The following SH3TC2 variants were observed in gnomAD, a reference collection of about 807,000 sequenced individuals.
SH3TC2 encodes SH3 domain and tetratricopeptide repeat-containing protein 2.
A neutral mutation model predicts 124.5 loss-of-function variants in SH3TC2; 87 were observed. That is an observed-to-expected ratio of 0.70 (90% confidence interval 0.59 to 0.84). The LOEUF (loss-of-function observed/expected upper bound fraction) is 0.84, where lower values mean the gene tolerates loss of function less well. SH3TC2 is among the 40% of genes least tolerant of loss of function. The probability of loss-of-function intolerance (pLI) is 0.00; values close to 1 mark genes in which losing one functional copy is unlikely to be tolerated. For synonymous variants in SH3TC2, 634 were observed against 628.5 expected (o/e 1.01, Z -0.13); for missense variants, 1,536 against 1,566.4 (o/e 0.98, Z 0.33).
Position 148,996,281 on chromosome 5 carries a change from G to C in SH3TC2, c.*8430C>G, listed in dbSNP as rs1753508623. 2.0e-5 allele frequency among the ~76,000 whole-genome samples: 3 copies of C among 151,840 alleles called. No homozygotes were observed. The highest frequency in any genetic ancestry group is 2.0e-4 in the Admixed American group (3 of 15,222). Reference sequence around the variant, plus strand: ...CCTAAATAAGAGAGAAAGAGAGAGAGAGAGAGAAACAGACAGATGGACTTT... The same window carrying C: ...CCTAAATAAGAGAGAAAGAGAGAGACAGAGAGAAACAGACAGATGGACTTT... On this transcript the variant is annotated 3_prime_UTR_variant, in exon 17 of 17. Transcript: ENST00000515425.
rs1429342918 is a variant in SH3TC2 at position 148,983,473 on chromosome 5, C to G, written c.*21238G>C. Among the ~76,000 whole-genome samples, 1 of 152,096 alleles carries G rather than the reference C, an allele frequency of 6.6e-6. No individual in the cohort carries two copies. Among genetic ancestry groups the G allele is most frequent in the Non-Finnish European group, 1.5e-5 (1 of 68,010 alleles). ...CATCTTGTTAGATGCATGCTGAACC[C>G]CCGAACTCAGTTTATCCAGGTGGAG... On this transcript the variant is annotated 3_prime_UTR_variant, in exon 17 of 17. Coordinates refer to ENST00000515425, the MANE Select transcript of SH3TC2 (RefSeq NM_024577.4).
rs1270620225 is a variant in SH3TC2, at chr5:149,002,811, C to T, written c.*1900G>A. ...GTTCCTGGGATACATCCCAGATCTA[C>T]TGAATCAGAATTATTAGAGATAGAA... On this transcript the variant is annotated 3_prime_UTR_variant, in exon 17 of 17. Transcript: ENST00000515425. 6.6e-6 allele frequency: 1 copy of T among 152,244 alleles called. No homozygotes were observed. The highest frequency in any genetic ancestry group is 2.4e-5 in the African/African-American group (1 of 41,456). The allele number at this position is 152,244 out of a possible 1,614,324, so 9.4% of individuals were successfully genotyped here. A position where few individuals can be genotyped will look rare whatever the true frequency, so the allele number is the denominator to read the frequency against.
In SH3TC2 at chr5:148,985,305, T is replaced by A. The variant is rs72835351; in HGVS notation, c.*19406A>T. Among the ~76,000 whole-genome samples, 4,151 of 152,294 alleles carry A rather than the reference T, an allele frequency of 0.027. 91 individuals are homozygous for A. Among genetic ancestry groups the A allele is most frequent in the Non-Finnish European group, 0.039 (2,678 of 68,002 alleles). On this transcript the variant is annotated 3_prime_UTR_variant, in exon 17 of 17. Coordinates refer to ENST00000515425, the MANE Select transcript of SH3TC2 (RefSeq NM_024577.4). The stretch of plus-strand genomic sequence containing the variant: ...AGTTCTATGAGTTTTGGCAAATGCA[T>A]TCAATGCCATCACTACTACAATCAA...
chr5:149,013,229 A>G (rs1753813798), intron 12 of SH3TC2, among the ~76,000 whole-genome samples: 1 of 152,102 alleles, frequency 6.6e-6, no homozygotes, highest in African/African-American at 2.4e-5. Flanking sequence ...GGAGGGACTC[A>G]GTGGGAGGTA....
intron 2 of SH3TC2, 79 bp downstream of exon 2, chr5:149,052,063 C>T (rs1374016981): frequency 1.0e-6 from 1 of 1,002,924 alleles, no homozygotes. Context: ...GAGGGAGGGG[C>T]TCTTTAGATG....
At chr5:149,028,847 G>A (rs193240665) in intron 9 of SH3TC2, 129 bp from the exon 10 acceptor site, 5 of 892,864 alleles carry the variant, frequency 5.6e-6, no homozygotes, top group Non-Finnish European at 9.3e-6. Flanking sequence ...CATCATTAAG[G>A]AACAGGGCAG....
intron 7 of SH3TC2, among the ~76,000 whole-genome samples, chr5:149,039,217 C>G (rs1416037225): frequency 6.6e-6 from 1 of 152,184 alleles, no homozygotes; most frequent in African/African-American, 2.4e-5. Context: ...GAATGTTTTT[C>G]TGTCCAGTTT....
Position 148,997,900 on chromosome 5 carries a change from T to G in SH3TC2, c.*6811A>C, listed in dbSNP as rs2127389639. Among the ~76,000 whole-genome samples, 1 of 152,324 alleles carries G rather than the reference T, an allele frequency of 6.6e-6. No homozygotes were observed. The highest frequency in any genetic ancestry group is 1.9e-4 in the East Asian group (1 of 5,190). On this transcript the variant is annotated 3_prime_UTR_variant, in exon 17 of 17. Transcript: ENST00000515425. Reference sequence around the variant, plus strand: ...ATGAGACTTAATGCATAAAACACATTAACCTCAACTGTTATTTTTATTTTG... The same window carrying G: ...ATGAGACTTAATGCATAAAACACATGAACCTCAACTGTTATTTTTATTTTG...
At chr5:149,054,889 C>T (rs1029132452) in intron 1 of SH3TC2, among the ~76,000 whole-genome samples, 9 of 152,140 alleles carry the variant, frequency 5.9e-5, no homozygotes. Context: ...GAGGTGAGCC[C>T]ACCTTGAAGA....
At chr5:149,054,736 C>T (rs144486832) in intron 1 of SH3TC2, among the ~76,000 whole-genome samples, 111 of 152,358 alleles carry the variant, frequency 7.3e-4, no homozygotes, top group African/African-American at 2.5e-3. Flanking sequence ...GTTGCTGTCG[C>T]TCTGCAGGGC....
Position 149,027,485 on chromosome 5 carries a change from T to G in SH3TC2, c.2247A>C (p.Glu749Asp). ...CCCTCTGGGTGCTCCGGTCTGCTAG[T>G]TCCTCACAGGCAGCCAGGGCCTGTC... ...MLRQALAACE[E>D]LADRSTQRAL... Residue 749 changes from glutamate (E) to aspartate (D), a missense_variant, in exon 11 of 17, where the codon GAA becomes GAC. Transcript: ENST00000515425. 6.2e-7 allele frequency: 1 copy of G among 1,614,162 alleles called. No individual in the cohort carries two copies. Among genetic ancestry groups the G allele is most frequent in the African/African-American group, 1.3e-5 (1 of 75,062 alleles).
chr5:149,007,762 T>C (rs1029034408), intron 15 of SH3TC2: 1 of 152,854 alleles, frequency 6.5e-6, no homozygotes, highest in African/African-American at 2.4e-5. Context: ...TACAATCATG[T>C]CTTTGGAATA....
rs141712019 is a variant in SH3TC2 at position 149,004,856 on chromosome 5, G to A, written c.3722C>T (p.Ala1241Val). ...TEYFLLALAA[A>V]VLLGDEELQD... ...AAGCTCCTCATCACCCAGCAGGACCGCTGCTGCCAGGGCCAGAAGGAAGTA... is the reference window on the plus strand; with the variant it reads ...AAGCTCCTCATCACCCAGCAGGACCACTGCTGCCAGGGCCAGAAGGAAGTA... The change falls in exon 17 of 17, where the codon GCG (alanine) becomes GTG (valine). Residue 1241 changes from alanine (A) to valine (V), a missense_variant. Transcript: ENST00000515425. 5.0e-5 allele frequency: 81 copies of A among 1,614,056 alleles called. No homozygotes were observed. The highest frequency in any genetic ancestry group is 6.3e-5 in the Non-Finnish European group (74 of 1,180,040).
At chr5:149,046,400 A>G (rs1403790059) in intron 3 of SH3TC2, 1 of 152,284 alleles carries the variant, frequency 6.6e-6, no homozygotes, top group Non-Finnish European at 1.5e-5. Context: ...ATGTGCTTTT[A>G]TCACATTTAA....
rs1184701005 is a variant in SH3TC2 at position 149,012,149 on chromosome 5, TC to T, written c.3204+434del. On this transcript the variant is annotated intron_variant, in intron 13 of 16. Transcript: ENST00000515425. ...CTTTTAACCACTACACTGTACCACA[TC>T]TCTGATATTAAAAGTATGCAAACAA... Among the ~76,000 whole-genome samples, 5 of 152,204 alleles carry T rather than the reference TC, an allele frequency of 3.3e-5. No individual in the cohort carries two copies. The South Asian group carries it at 1.0e-3, about 32-fold the overall frequency.
At chr5:149,038,012 C>A (rs111747778) in intron 8 of SH3TC2, among the ~76,000 whole-genome samples, 4 of 152,264 alleles carry the variant, frequency 2.6e-5, no homozygotes, top group African/African-American at 9.6e-5. Flanking sequence ...GATCCAAGTA[C>A]CAAAACCACA....
chr5:149,010,148 G>A (rs1753759422), intron 14 of SH3TC2, 122 bp downstream of exon 14: 1 of 1,409,886 alleles, frequency 7.1e-7, no homozygotes, highest in Non-Finnish European at 9.9e-7. Flanking sequence ...CACTGGACAA[G>A]AAAGAGAGAA....
At position 149,000,458 on chromosome 5, in the gene SH3TC2, T is replaced by C. The variant is rs1270984255; in HGVS notation, c.*4253A>G. ...GACCTAGCTTGAAGTTAATGCATTA[T>C]TTTATTTTCATTGTATTTGCCATTA... On this transcript the variant is annotated 3_prime_UTR_variant, in exon 17 of 17. Coordinates refer to ENST00000515425, the MANE Select transcript of SH3TC2 (RefSeq NM_024577.4). 6.6e-6 allele frequency among the ~76,000 whole-genome samples: 1 copy of C among 152,254 alleles called. No individual in the cohort carries two copies. The highest frequency in any genetic ancestry group is 2.4e-5 in the African/African-American group (1 of 41,466).
Position 149,044,547 on chromosome 5 carries a change from G to A in SH3TC2, c.371C>T (p.Thr124Ile), listed in dbSNP as rs1455131313. The change falls in exon 4 of 17, where the codon ACC becomes ATC. Residue 124 changes from threonine to isoleucine, a missense_variant. Physicochemically the swap from Thr to Ile is moderately conservative, Grantham distance 89. Around this residue, in one of 3 missense-constraint regions of SH3TC2, gnomAD observed 1,102 missense variants for 1,098.6 expected, o/e 1.00. Transcript: ENST00000515425. ...TTGTACCATACCTAAATTAAGGTAG[G>A]TGGAGAACTTCCAGATTTCCTCCAT... is the stretch of plus-strand genomic sequence containing the variant. Reference protein sequence around the residue: ...KTMEEIWKFSTYLNLGYVSMC... With the variant: ...KTMEEIWKFSIYLNLGYVSMC... 1.2e-6 allele frequency: 2 copies of A among 1,613,746 alleles called. No individual in the cohort carries two copies. Among genetic ancestry groups the A allele is most frequent in the East Asian group, 2.2e-5 (1 of 44,866 alleles).
Sources: gnomAD v4.1 joint callset for allele counts (sites outside exome capture counted in the v4.1 genomes callset) on GRCh38, gnomAD v4.1.1 for gene constraint, gnomAD v4.1.1 regional missense constraint, MANE v1.5 for transcripts, NCBI Gene and HGNC (gene_info 2026-07-23, HGNC 2026-07-21) for gene names.